Variants in RBAK observed in about 807,000 individuals in gnomAD.
The protein encoded by RBAK is RB-associated KRAB zinc finger protein.
A neutral mutation model predicts 65.8 loss-of-function variants in RBAK; 39 were observed. The observed-to-expected ratio is 0.59, with a 90% CI of 0.46 to 0.77. RBAK has a LOEUF of 0.77. Among genes scored for constraint, RBAK ranks in the 30% least tolerant of loss-of-function variants. The pLI is 0.00. For missense variants in RBAK, 884 were observed against 855.1 expected (o/e 1.03, Z -0.42); for synonymous variants, 343 against 289.7 (o/e 1.18, Z -1.87).
chr7:5,052,828 T>C (rs7784311), intron 2 of RBAK, among the ~76,000 whole-genome samples: 6,828 of 152,188 alleles, frequency 0.045, 540 homozygotes, highest in African/African-American at 0.16. Context: ...GGTGCGATCT[T>C]GGCTCACTGC....
chr7:5,060,976 A>G (rs1779054732), intron 4 of RBAK, among the ~76,000 whole-genome samples: 1 of 152,228 alleles, frequency 6.6e-6, no homozygotes, highest in Admixed American at 6.5e-5. Context: ...AATCTGAGAT[A>G]TAAGATTTTA....
chr7:5,069,002 A>G lies in RBAK; in HGVS notation c.*3401A>G, dbSNP rs1463701551. 2 of 152,234 alleles carry G rather than the reference A, an allele frequency of 1.3e-5. No homozygotes were observed. The highest frequency in any genetic ancestry group is 1.9e-4 in the East Asian group (1 of 5,204). 9.4% of individuals were successfully genotyped at this position (152,234 alleles called of 1,614,324 possible). On this transcript the variant is annotated 3_prime_UTR_variant, in exon 5 of 5. Transcript: ENST00000396912. ...ATACGTGGTTTAAAATTAGGGTAGC[A>G]GTTAGCCTTGGCCAAGGCTGAAAGG...
At position 5,066,508 on chromosome 7, in the gene RBAK, C is replaced by G. The variant is rs188209471; in HGVS notation, c.*907C>G. ...AAATATCCCCAGCTCTCACACCACC[C>G]TTGTTTTTTAACCCATAGGTTTGAG... is the stretch of plus-strand genomic sequence containing the variant. On this transcript the variant is annotated 3_prime_UTR_variant, in exon 5 of 5. Coordinates refer to ENST00000396912, the MANE Select transcript of RBAK (RefSeq NM_021163.4). The G allele has an allele frequency of 6.6e-6, 1 of 152,142 alleles. No homozygotes were observed. Among genetic ancestry groups the G allele is most frequent in the Non-Finnish European group, 1.5e-5 (1 of 67,998 alleles). The allele number at this position is 152,142 out of a possible 1,614,324, so 9.4% of individuals were successfully genotyped here.
In RBAK at chr7:5,064,282, T is replaced by C. The variant is rs1184242505; in HGVS notation, c.826T>C (p.Phe276Leu). The C allele has an allele frequency of 2.5e-6, 4 of 1,613,998 alleles. No individual in the cohort carries two copies. The South Asian group carries it at 3.3e-5, about 13-fold the overall frequency. ...CGKSFCKKSK[F>L]IIHQRAHTGE... ...AAAATCCTTCTGTAAAAAGTCAAAA[T>C]TCATCATCCACCAGAGGGCTCACAC... Residue 276 changes from phenylalanine (F) to leucine (L), a missense_variant, in exon 5 of 5, where the codon TTC becomes CTC. Physicochemically the swap from Phe to Leu is conservative, Grantham distance 22 (BLOSUM62 0). Coordinates refer to ENST00000396912, the MANE Select transcript of RBAK (RefSeq NM_021163.4). The surrounding 1 kb of genome is among the most constrained non-coding windows in gnomAD (Gnocchi z 6.3).
intron 2 of RBAK, among the ~76,000 whole-genome samples, chr7:5,050,190 A>G (rs1040850137): frequency 4.6e-5 from 7 of 152,240 alleles, no homozygotes; most frequent in African/African-American, 1.4e-4. Context: ...CTCTCTTAAT[A>G]CATGTGGCAA....
At chr7:5,054,269 C>G (rs1271222292) in intron 2 of RBAK, among the ~76,000 whole-genome samples, 1 of 151,928 alleles carries the variant, frequency 6.6e-6, no homozygotes, top group African/African-American at 2.4e-5. Context: ...GCCAGGCATG[C>G]TGGTACACGC....
chr7:5,052,464 A>G (rs1241943804), intron 2 of RBAK, among the ~76,000 whole-genome samples: 1 of 152,108 alleles, frequency 6.6e-6, no homozygotes, highest in Non-Finnish European at 1.5e-5. Context: ...CTCTTGATTA[A>G]TTGATAATTT....
chr7:5,068,710 T>A lies in RBAK; in HGVS notation c.*3109T>A, dbSNP rs1238479371. On this transcript the variant is annotated 3_prime_UTR_variant, in exon 5 of 5. Coordinates refer to ENST00000396912, the MANE Select transcript of RBAK (RefSeq NM_021163.4). ...CCCAAACCCAGCAAAAATGCATGTG[T>A]CTGTCCACCAAAGGACATGCACTAG... is the stretch of plus-strand genomic sequence containing the variant. 6.6e-6 allele frequency: 1 copy of A among 152,246 alleles called. No individual in the cohort carries two copies. The highest frequency in any genetic ancestry group is 2.4e-5 in the African/African-American group (1 of 41,462). The allele number at this position is 152,246 out of a possible 1,614,324, so 9.4% of individuals were successfully genotyped here. A position where few individuals can be genotyped will look rare whatever the true frequency, so the allele number is the denominator to read the frequency against.
At chr7:5,063,557 A>G in intron 4 of RBAK, 138 bp from the exon 5 acceptor site, 1 of 624,330 alleles carries the variant, frequency 1.6e-6, no homozygotes, top group South Asian at 2.3e-5. Flanking sequence ...AGAACTATGC[A>G]TTTGTAATTA....
At position 5,047,338 on chromosome 7, in the gene RBAK, G is replaced by C. The variant is rs539439616; in HGVS notation, c.-44-695G>C. ...CAATGGAGGCCAGGAGGTCGAGGCTGCAGTGAGCTGTGAATGCACCACTGC... is the reference window on the plus strand; with the variant it reads ...CAATGGAGGCCAGGAGGTCGAGGCTCCAGTGAGCTGTGAATGCACCACTGC... On this transcript the variant is annotated intron_variant, in intron 1 of 4. Transcript: ENST00000396912. Among the ~76,000 whole-genome samples the C allele has an allele frequency of 1.6e-3, 250 of 152,298 alleles. 2 individuals are homozygous for C. The highest frequency in any genetic ancestry group is 5.9e-3 in the African/African-American group (244 of 41,564).
At chr7:5,047,231 C>T (rs1417151421) in intron 1 of RBAK, among the ~76,000 whole-genome samples, 1 of 152,088 alleles carries the variant, frequency 6.6e-6, no homozygotes. Context: ...GAGACCCTGA[C>T]TCTACAAAAA....
intron 2 of RBAK, among the ~76,000 whole-genome samples, chr7:5,051,460 C>T (rs867066083): frequency 6.6e-6 from 1 of 152,020 alleles, no homozygotes; most frequent in Non-Finnish European, 1.5e-5. Flanking sequence ...ATTAAATACC[C>T]ATAGCACAGT....
chr7:5,047,911 C>G, intron 1 of RBAK, 122 bp from the exon 2 acceptor site: 1 of 521,504 alleles, frequency 1.9e-6, no homozygotes, highest in Non-Finnish European at 3.4e-6. Context: ...TGAGTGTTTG[C>G]AGGCTGAGTG....
intron 2 of RBAK, among the ~76,000 whole-genome samples, chr7:5,051,389 T>G (rs1178353407): frequency 6.6e-6 from 1 of 152,184 alleles, no homozygotes; most frequent in Non-Finnish European, 1.5e-5. Flanking sequence ...TGGGTATGAT[T>G]TGTCATGCCT....
At chr7:5,062,396 G>C (rs1000312755) in intron 4 of RBAK, among the ~76,000 whole-genome samples, 1 of 152,156 alleles carries the variant, frequency 6.6e-6, no homozygotes, top group Non-Finnish European at 1.5e-5. Flanking sequence ...TGCAAAACCA[G>C]CAAGTTTTTA....
intron 2 of RBAK, among the ~76,000 whole-genome samples, chr7:5,056,023 G>T (rs188518112): frequency 6.6e-6 from 1 of 151,934 alleles, no homozygotes; most frequent in Non-Finnish European, 1.5e-5. Context: ...TGGGCAGGGC[G>T]TGCTGGCTCA....
In RBAK at chr7:5,065,767, G is replaced by C. The variant is rs1019265641; in HGVS notation, c.*166G>C. The C allele has an allele frequency of 2.2e-6, 1 of 461,364 alleles. No homozygotes were observed. Among genetic ancestry groups the C allele is most frequent in the African/African-American group, 2.0e-5 (1 of 49,570 alleles). 28.6% of individuals were successfully genotyped at this position (461,364 alleles called of 1,614,324 possible). ...TTCACAGAGAAGAATCCCGAAGAATGTAACAAGAAGCAAAGCCTTCAGCAA... is the reference window on the plus strand; with the variant it reads ...TTCACAGAGAAGAATCCCGAAGAATCTAACAAGAAGCAAAGCCTTCAGCAA... On this transcript the variant is annotated 3_prime_UTR_variant, in exon 5 of 5. Transcript: ENST00000396912. This position sits in a 1 kb window ranked among gnomAD's most constrained non-coding sequence, Gnocchi z 5.3.
chr7:5,046,395 G>A lies in RBAK; in HGVS notation c.-46G>A, dbSNP rs1787984757. ...GGGCAGAGGCTGCGGAGCCCCAGAA[G>A]GGTAGGTCTTGGGTTTTCGGGCCCG... is the stretch of plus-strand genomic sequence containing the variant. On this transcript the variant is annotated splice_region_variant and 5_prime_UTR_variant, in exon 1 of 5. Transcript: ENST00000396912. 1 of 515,654 alleles carries A rather than the reference G, an allele frequency of 1.9e-6. No homozygotes were observed. The highest frequency in any genetic ancestry group is 1.9e-5 in the African/African-American group (1 of 51,864). 31.9% of individuals were successfully genotyped at this position (515,654 alleles called of 1,614,324 possible). A position where few individuals can be genotyped will look rare whatever the true frequency, so the allele number is the denominator to read the frequency against.
At chr7:5,051,409 A>T (rs748247057) in intron 2 of RBAK, among the ~76,000 whole-genome samples, 1 of 152,098 alleles carries the variant, frequency 6.6e-6, no homozygotes, top group African/African-American at 2.4e-5. Context: ...TCTTTACCTT[A>T]TAAAGTTTTA....
Sources: allele counts gnomAD v4.1 joint callset (sites outside exome capture counted in the v4.1 genomes callset), GRCh38; gene constraint gnomAD v4.1.1; non-coding constraint Gnocchi (gnomAD v3.1); transcripts MANE v1.5; gene names NCBI Gene and HGNC (gene_info 2026-07-23, HGNC 2026-07-21).